Variants in CCDC85A observed in about 807,000 individuals in gnomAD.
CCDC85A encodes the protein coiled-coil domain containing 85A, also known as coiled-coil domain-containing protein 85A.
CCDC85A carries 38 observed loss-of-function variants against 50.2 expected under a neutral mutation model. The observed-to-expected ratio is 0.76, with a 90% CI of 0.58 to 0.99. The LOEUF (loss-of-function observed/expected upper bound fraction) is 0.99, where lower values mean the gene tolerates loss of function less well. CCDC85A is among the 50% of genes least tolerant of loss of function. CCDC85A has a pLI of 0.00. For missense variants in CCDC85A, 820 were observed against 742.0 expected (o/e 1.11, Z -1.22); for synonymous variants, 366 against 301.4 (o/e 1.21, Z -2.22).
rs1028228917 is a variant in CCDC85A, at chr2:56,317,537, G to C, written c.1241-25342G>C. Among the ~76,000 whole-genome samples the C allele has an allele frequency of 3.3e-5, 5 of 152,130 alleles. No individual in the cohort carries two copies. The South Asian group carries it at 1.0e-3, about 32-fold the overall frequency. On this transcript the variant is annotated intron_variant, in intron 2 of 5. Coordinates refer to ENST00000407595, the MANE Select transcript of CCDC85A (RefSeq NM_001080433.2). ...AGGCAACTCAGTTCATCTGTCCCCA[G>C]ACTCTTCTTTTTCCTCATTAAGAGG...
At chr2:56,335,078 C>G (rs1186456679) in intron 2 of CCDC85A, among the ~76,000 whole-genome samples, 1 of 152,110 alleles carries the variant, frequency 6.6e-6, no homozygotes, top group African/African-American at 2.4e-5. Context: ...CCAGGCAAAT[C>G]TGAAAGTGCT....
intron 3 of CCDC85A, among the ~76,000 whole-genome samples, chr2:56,365,506 C>G (rs951142445): frequency 6.6e-6 from 1 of 152,034 alleles, no homozygotes; most frequent in Non-Finnish European, 1.5e-5. Flanking sequence ...TCTCTGTAAC[C>G]CAGGAGCCAA....
intron 2 of CCDC85A, among the ~76,000 whole-genome samples, chr2:56,238,036 C>T (rs186510910): frequency 6.6e-6 from 1 of 152,270 alleles, no homozygotes; most frequent in East Asian, 1.9e-4. Context: ...ACAGTTAGTT[C>T]ATGAAAACTC....
intron 2 of CCDC85A, among the ~76,000 whole-genome samples, chr2:56,309,156 A>G (rs549534760): frequency 3.3e-5 from 5 of 152,334 alleles, no homozygotes; most frequent in African/African-American, 1.2e-4. Context: ...ACTTTTTATA[A>G]GAAGGATAGC....
At chr2:56,350,454 C>T (rs1268399645) in intron 3 of CCDC85A, among the ~76,000 whole-genome samples, 1 of 152,126 alleles carries the variant, frequency 6.6e-6, no homozygotes, top group Non-Finnish European at 1.5e-5. Flanking sequence ...GCCTGTAATC[C>T]AGTCTTCTGT....
rs143729420 is a variant in CCDC85A, at chr2:56,284,813, T to A, written c.1241-58066T>A. Among the ~76,000 whole-genome samples, 354 of 152,336 alleles carry A rather than the reference T, an allele frequency of 2.3e-3. 3 individuals carry two copies. The highest frequency in any genetic ancestry group is 0.01 in the Admixed American group (159 of 15,300). ...ATAACTGATAAGTATTTACAACTTA[T>A]CTTCCAAAAAAGTTGACCTTTTAAT... On this transcript the variant is annotated intron_variant, in intron 2 of 5. Transcript: ENST00000407595.
chr2:56,364,270 C>G (rs1418158952), intron 3 of CCDC85A, among the ~76,000 whole-genome samples: 1 of 152,026 alleles, frequency 6.6e-6, no homozygotes, highest in East Asian at 1.9e-4. Flanking sequence ...GGGGTTTGCC[C>G]TTTGTAATTT....
intron 2 of CCDC85A, among the ~76,000 whole-genome samples, chr2:56,271,361 C>A (rs576089459): frequency 6.6e-6 from 1 of 152,158 alleles, no homozygotes; most frequent in African/African-American, 2.4e-5. Context: ...TGAAGAGGGG[C>A]AAACAACTAT....
At chr2:56,238,657 A>G (rs1669126489) in intron 2 of CCDC85A, among the ~76,000 whole-genome samples, 1 of 152,146 alleles carries the variant, frequency 6.6e-6, no homozygotes, top group Non-Finnish European at 1.5e-5. Flanking sequence ...TGGAGTGACT[A>G]AATTGTAAAA....
chr2:56,326,332 A>G (rs921426426), intron 2 of CCDC85A, among the ~76,000 whole-genome samples: 2 of 152,176 alleles, frequency 1.3e-5, no homozygotes, highest in African/African-American at 4.8e-5. Context: ...GCTTTTAGGC[A>G]AAGTGCTTGA....
intron 2 of CCDC85A, among the ~76,000 whole-genome samples, chr2:56,208,197 C>A (rs553193208): frequency 2.0e-5 from 3 of 152,172 alleles, no homozygotes; most frequent in East Asian, 3.9e-4. Context: ...TGTCTGCTTT[C>A]AATTCTGAGT....
intron 2 of CCDC85A, among the ~76,000 whole-genome samples, chr2:56,280,110 G>C (rs1277948296): frequency 6.6e-6 from 1 of 152,112 alleles, no homozygotes; most frequent in Non-Finnish European, 1.5e-5. Context: ...TTCACTTAAC[G>C]TATTGTGTCT....
At chr2:56,293,543 C>A (rs1306650127) in intron 2 of CCDC85A, among the ~76,000 whole-genome samples, 1 of 152,062 alleles carries the variant, frequency 6.6e-6, no homozygotes, top group East Asian at 1.9e-4. Flanking sequence ...GAACAGGCAA[C>A]CTACAGAATG....
At chr2:56,312,350 G>T (rs1012149080) in intron 2 of CCDC85A, among the ~76,000 whole-genome samples, 6 of 152,044 alleles carry the variant, frequency 3.9e-5, no homozygotes, top group African/African-American at 1.4e-4. Context: ...AAAAATGCAA[G>T]AAATCATTAA....
chr2:56,292,648 A>G (rs759187124), intron 2 of CCDC85A, among the ~76,000 whole-genome samples: 1 of 152,164 alleles, frequency 6.6e-6, no homozygotes, highest in African/African-American at 2.4e-5. Flanking sequence ...ATAAATACAT[A>G]AGGAAATAAA....
At chr2:56,303,945 G>A (rs1297272417) in intron 2 of CCDC85A, among the ~76,000 whole-genome samples, 2 of 152,168 alleles carry the variant, frequency 1.3e-5, no homozygotes, top group South Asian at 2.1e-4. Context: ...GATGAAGTTC[G>A]TCATCTCAGG....
chr2:56,307,337 T>TA (rs11464453), intron 2 of CCDC85A, among the ~76,000 whole-genome samples: 2,745 of 151,584 alleles, frequency 0.018, 90 homozygotes, highest in African/African-American at 0.062. Context: ...ATGCTTTTTT[T>TA]AAAAAAAAAC....
chr2:56,365,652 A>G (rs781458740), intron 3 of CCDC85A, among the ~76,000 whole-genome samples: 1 of 152,214 alleles, frequency 6.6e-6, no homozygotes, highest in Non-Finnish European at 1.5e-5. Context: ...TTTATAGATA[A>G]AATTACATCT....
intron 2 of CCDC85A, among the ~76,000 whole-genome samples, chr2:56,322,115 T>C (rs1673229770): frequency 6.6e-6 from 1 of 152,180 alleles, no homozygotes; most frequent in African/African-American, 2.4e-5. Context: ...ACTGGATCCC[T>C]TCCTTACACC....
Sources: gnomAD v4.1 joint callset for allele counts (sites outside exome capture counted in the v4.1 genomes callset) on GRCh38, gnomAD v4.1.1 for gene constraint, MANE v1.5 for transcripts, NCBI Gene and HGNC (gene_info 2026-07-23, HGNC 2026-07-21) for gene names.